The following RNF14 variants were observed in gnomAD, a reference collection of about 807,000 sequenced individuals.
RNF14 encodes the protein E3 ubiquitin-protein ligase RNF14.
Under a neutral mutation model 52.6 loss-of-function variants are expected in RNF14, and 26 were observed. The observed-to-expected ratio is 0.49, with a 90% CI of 0.36 to 0.69. RNF14 has a LOEUF of 0.69. Among genes scored for constraint, RNF14 ranks in the 30% least tolerant of loss-of-function variants. The pLI is 0.00. For missense variants in RNF14, 404 were observed against 560.4 expected, an observed-to-expected ratio of 0.72 and a Z score of 2.82; for synonymous variants, 194 against 202.0, an observed-to-expected ratio of 0.96 and a Z score of 0.34.
At chr5:141,967,466 G>GTCCCCCTCTCATCCT (rs1415616673), upstream of RNF14, among the ~76,000 whole-genome samples, 1 of 151,808 alleles carries the variant, frequency 6.6e-6, no homozygotes, top group Non-Finnish European at 1.5e-5. Context: ...TTTATCCTTC[G>GTCCCCCTCTCATCCT]TCCCCCTCTC....
chr5:141,987,600 C>T (rs1755353052), intron 8 of RNF14, 133 bp from the exon 9 acceptor site: 6 of 823,420 alleles, frequency 7.3e-6, no homozygotes, highest in Middle Eastern at 2.3e-4. Context: ...CAGCCCTCCT[C>T]AGTGCAATGA....
At position 141,990,158 on chromosome 5, in the gene RNF14, G is replaced by A. The variant is rs1755510892; in HGVS notation, c.*2368G>A. ...TTATGAGCTAATTTTAAGATGTATA[G>A]TTTTGGTAGAGTACTTTTGTCTCAG... On this transcript the variant is annotated 3_prime_UTR_variant, in exon 9 of 9. Coordinates refer to ENST00000394520, the MANE Select transcript of RNF14 (RefSeq NM_004290.5). 1 of 152,184 alleles carries A rather than the reference G, an allele frequency of 6.6e-6. No individual in the cohort carries two copies. The highest frequency in any genetic ancestry group is 1.5e-5 in the Non-Finnish European group (1 of 68,046). The allele number at this position is 152,184 out of a possible 1,614,324, so 9.4% of individuals were successfully genotyped here. A position where few individuals can be genotyped will look rare whatever the true frequency, so the allele number is the denominator to read the frequency against.
At chr5:141,956,853 T>A, upstream of RNF14, 3 of 1,614,242 alleles carry the variant, frequency 1.9e-6, no homozygotes, top group Non-Finnish European at 2.5e-6. Context: ...TGCAATGGGC[T>A]GGGATAGGAT....
intron 1 of RNF14, chr5:141,958,923 A>G (rs1753229207): frequency 6.6e-6 from 1 of 152,226 alleles, no homozygotes; most frequent in Non-Finnish European, 1.5e-5. Flanking sequence ...AACTTGTCAC[A>G]CCCTATGGCT....
At chr5:141,971,628 T>C in intron 2 of RNF14, among the ~76,000 whole-genome samples, 1 of 105,380 alleles carries the variant, frequency 9.5e-6, no homozygotes, top group South Asian at 4.1e-4. Context: ...TTCTTCTTTC[T>C]TTCTTTCCTT....
intron 5 of RNF14, among the ~76,000 whole-genome samples, 163 bp from the exon 6 acceptor site, chr5:141,979,960 A>G (rs365916): frequency 0.78 from 118,385 of 152,210 alleles, 46,224 homozygotes; most frequent in East Asian, 0.98. Flanking sequence ...GTAGACCCCT[A>G]TAATTGTCAT....
At chr5:141,985,788 C>T (rs1194593660) in intron 8 of RNF14, among the ~76,000 whole-genome samples, 7 of 152,132 alleles carry the variant, frequency 4.6e-5, no homozygotes, top group East Asian at 3.9e-4. Context: ...CTCCTGACCT[C>T]GTGAGCTGCC....
chr5:141,975,093 T>C (rs957659291), intron 4 of RNF14, 138 bp downstream of exon 4: 1 of 842,544 alleles, frequency 1.2e-6, no homozygotes, highest in African/African-American at 1.8e-5. Flanking sequence ...TTCCCTTGCC[T>C]TGGTGAATCC....
At chr5:141,952,808 G>C in the RNF14 span, 1 of 152,224 alleles carries the variant, frequency 6.6e-6, no homozygotes, top group Non-Finnish European at 1.5e-5. Context: ...CTCTGCAAAA[G>C]CAAGGAGTTT....
intron 4 of RNF14, 133 bp from the exon 5 acceptor site, chr5:141,978,170 G>A (rs1419000411): frequency 1.4e-6 from 1 of 717,186 alleles, no homozygotes; most frequent in African/African-American, 1.8e-5. Flanking sequence ...GTAGCACAGT[G>A]TATCACAGCA....
chr5:141,965,929 G>A (rs1010898538), upstream of RNF14, among the ~76,000 whole-genome samples: 23 of 150,074 alleles, frequency 1.5e-4, no homozygotes, highest in African/African-American at 5.7e-4. Context: ...CCCGTGACAC[G>A]AGTTTACCTA....
At chr5:141,978,189 T>C in intron 4 of RNF14, 114 bp from the exon 5 acceptor site, 1 of 850,166 alleles carries the variant, frequency 1.2e-6, no homozygotes, top group South Asian at 1.8e-5. Context: ...CAGTAAAAAA[T>C]AGTGTTAGAA....
intron 6 of RNF14, among the ~76,000 whole-genome samples, chr5:141,982,369 T>G (rs1754861981): frequency 2.6e-5 from 4 of 152,212 alleles, no homozygotes; most frequent in Admixed American, 1.3e-4. Context: ...TGTGGGAATG[T>G]ACTACACAGA....
At chr5:141,962,078 T>A (rs1261716410), upstream of RNF14, among the ~76,000 whole-genome samples, 1 of 152,086 alleles carries the variant, frequency 6.6e-6, no homozygotes, top group South Asian at 2.1e-4. Context: ...TTCAGGAAGA[T>A]CTTGTTGAAG....
chr5:141,973,766 G>T (rs62380045), intron 3 of RNF14, 24 bp downstream of exon 3: 120,011 of 1,561,254 alleles, frequency 0.077, 5,220 homozygotes, highest in Non-Finnish European at 0.086. Context: ...TTCTTAAACA[G>T]ATTTTTCTAT....
At chr5:141,949,924 C>T in the RNF14 span, among the ~76,000 whole-genome samples, 1 of 152,160 alleles carries the variant, frequency 6.6e-6, no homozygotes, top group Non-Finnish European at 1.5e-5. Context: ...GTTGCCCCTC[C>T]CATGTCTAGG....
upstream of RNF14, among the ~76,000 whole-genome samples, chr5:141,963,930 T>C (rs1315614166): frequency 1.3e-5 from 2 of 152,228 alleles, no homozygotes; most frequent in Admixed American, 6.5e-5. Flanking sequence ...CACTGATTTA[T>C]GATGGCAGCT....
upstream of RNF14, chr5:141,957,830 G>T: frequency 6.3e-7 from 1 of 1,599,266 alleles, no homozygotes; most frequent in Non-Finnish European, 8.5e-7. The surrounding 1 kb of genome is among the most constrained non-coding windows in gnomAD (Gnocchi z 4.3). Context: ...AGCCCCAGCA[G>T]AAGTTGCAGA....
At chr5:141,984,054 T>C (rs545383286) in intron 7 of RNF14, among the ~76,000 whole-genome samples, 1 of 152,194 alleles carries the variant, frequency 6.6e-6, no homozygotes, top group South Asian at 2.1e-4. Flanking sequence ...ATGTCTGAAC[T>C]GAACATAGTG....
Sources: gnomAD v4.1 joint callset for allele counts (sites outside exome capture counted in the v4.1 genomes callset) on GRCh38, gnomAD v4.1.1 for gene constraint, Gnocchi (gnomAD v3.1) non-coding constraint, MANE v1.5 for transcripts, NCBI Gene and HGNC (gene_info 2026-07-23, HGNC 2026-07-21) for gene names.